ARHGAP24: variants seen among roughly 807,000 people sequenced by gnomAD.
The protein encoded by ARHGAP24 is rho GTPase-activating protein 24.
Under a neutral mutation model 76.4 loss-of-function variants are expected in ARHGAP24, and 50 were observed. The observed-to-expected ratio is 0.65, with a 90% CI of 0.52 to 0.83. ARHGAP24 has a LOEUF of 0.83. Ranked by LOEUF, ARHGAP24 falls within the 40% of genes least tolerant of loss-of-function variation. The pLI is 0.00. For synonymous variants in ARHGAP24, 345 were observed against 323.3 expected (o/e 1.07, Z -0.72); for missense variants, 930 against 914.2 (o/e 1.02, Z -0.22).
At chr4:85,481,629 G>T (rs1266436949) in intron 1 of ARHGAP24, among the ~76,000 whole-genome samples, 1 of 152,136 alleles carries the variant, frequency 6.6e-6, no homozygotes, top group East Asian at 1.9e-4. Context: ...GGTGAGAAGT[G>T]AACAGGAAAG....
At chr4:85,923,859 G>A in intron 4 of ARHGAP24, 89 bp downstream of exon 4, 1 of 1,567,018 alleles carries the variant, frequency 6.4e-7, no homozygotes, top group Non-Finnish European at 8.8e-7. Flanking sequence ...ATTAGCTCCT[G>A]TATTCAAGTG....
intron 3 of ARHGAP24, among the ~76,000 whole-genome samples, chr4:85,826,628 T>G (rs986412091): frequency 6.6e-6 from 1 of 152,206 alleles, no homozygotes; most frequent in African/African-American, 2.4e-5. Flanking sequence ...AGGGAGGAAA[T>G]GCAGCAAGTG....
chr4:85,908,764 G>A (rs1182288872), intron 3 of ARHGAP24, among the ~76,000 whole-genome samples: 2 of 152,060 alleles, frequency 1.3e-5, no homozygotes, highest in Non-Finnish European at 2.9e-5. Flanking sequence ...TACAGAGCCA[G>A]GCATAGATAA....
intron 1 of ARHGAP24, among the ~76,000 whole-genome samples, chr4:85,558,289 C>T (rs901189729): frequency 6.6e-6 from 1 of 152,064 alleles, no homozygotes; most frequent in Admixed American, 6.6e-5. Flanking sequence ...AACATATGTG[C>T]CACCAAACTT....
chr4:85,947,635 G>A (rs542572773), intron 5 of ARHGAP24, among the ~76,000 whole-genome samples: 4 of 152,262 alleles, frequency 2.6e-5, no homozygotes, highest in South Asian at 2.1e-4. Flanking sequence ...GCAAACGGTC[G>A]TAGTCTTTTT....
At chr4:85,938,573 T>C (rs1382571640) in intron 4 of ARHGAP24, among the ~76,000 whole-genome samples, 3 of 152,130 alleles carry the variant, frequency 2.0e-5, no homozygotes, top group Non-Finnish European at 2.9e-5. Context: ...AAGCCAGAAG[T>C]GTTTGGCACA....
chr4:85,979,264 G>T lies in ARHGAP24; in HGVS notation c.928+1573G>T, dbSNP rs112704894. On this transcript the variant is annotated intron_variant, in intron 8 of 9. Coordinates refer to ENST00000395184, the MANE Select transcript of ARHGAP24 (RefSeq NM_001025616.3). ...ATGAAATTCCTAAAGCTATTAATTC[G>T]CTGGAAGCTGAAATGCTGATATTGT... Among the ~76,000 whole-genome samples the T allele has an allele frequency of 3.8e-3, 577 of 152,112 alleles. 8 individuals are homozygous for T. Among genetic ancestry groups the T allele is most frequent in the African/African-American group, 0.013 (548 of 41,494 alleles).
In ARHGAP24 at chr4:85,705,157, A is replaced by T. The variant is rs182973128; in HGVS notation, c.181-16728A>T. Reference sequence around the variant, plus strand: ...ATTATGATCTACCATTGTCTATAAGATGTATCCCAAATTAAAAAATATAAA... The same window carrying T: ...ATTATGATCTACCATTGTCTATAAGTTGTATCCCAAATTAAAAAATATAAA... On this transcript the variant is annotated intron_variant, in intron 2 of 9. Coordinates refer to ENST00000395184, the MANE Select transcript of ARHGAP24 (RefSeq NM_001025616.3). Among the ~76,000 whole-genome samples the T allele has an allele frequency of 5.3e-5, 8 of 152,192 alleles. No homozygotes were observed. The East Asian group carries it at 1.2e-3, about 22-fold the overall frequency.
intron 1 of ARHGAP24, among the ~76,000 whole-genome samples, chr4:85,487,373 A>G (rs1331152103): frequency 8.7e-6 from 1 of 114,640 alleles, no homozygotes; most frequent in Non-Finnish European, 1.6e-5. Context: ...ATATAAATAT[A>G]TATTTATATA....
chr4:85,576,527 A>G (rs1253752792), intron 2 of ARHGAP24, among the ~76,000 whole-genome samples: 1 of 152,180 alleles, frequency 6.6e-6, no homozygotes, highest in African/African-American at 2.4e-5. Context: ...TCCCGTTAAC[A>G]TTTATGAAGC....
chr4:85,999,023 T>C (rs1740847644), intron 9 of ARHGAP24, among the ~76,000 whole-genome samples: 2 of 152,212 alleles, frequency 1.3e-5, no homozygotes, highest in South Asian at 4.1e-4. Flanking sequence ...TAAAAATATA[T>C]TTCTTAAAAC....
intron 2 of ARHGAP24, among the ~76,000 whole-genome samples, chr4:85,685,233 C>T (rs1723372298): frequency 6.6e-6 from 1 of 152,108 alleles, no homozygotes; most frequent in East Asian, 1.9e-4. Context: ...ATTTTTCAAC[C>T]TTATAACTCC....
At chr4:85,620,154 G>A (rs1042169691) in intron 2 of ARHGAP24, among the ~76,000 whole-genome samples, 4 of 151,894 alleles carry the variant, frequency 2.6e-5, no homozygotes, top group African/African-American at 7.2e-5. Flanking sequence ...TTGGTATCAG[G>A]ATAATCCTGG....
intron 3 of ARHGAP24, among the ~76,000 whole-genome samples, chr4:85,899,649 G>A (rs371374830): frequency 1.8e-4 from 28 of 152,270 alleles, no homozygotes; most frequent in African/African-American, 5.3e-4. Flanking sequence ...ATATTAAACC[G>A]AAACCAAACA....
At chr4:85,876,836 A>G (rs560434290) in intron 3 of ARHGAP24, among the ~76,000 whole-genome samples, 1 of 152,140 alleles carries the variant, frequency 6.6e-6, no homozygotes, top group Non-Finnish European at 1.5e-5. Flanking sequence ...TTACCACTTC[A>G]TAATAAGCAT....
Position 85,759,738 on chromosome 4 carries a change from G to A in ARHGAP24, c.268+37766G>A, listed in dbSNP as rs567983540. 1.3e-4 allele frequency among the ~76,000 whole-genome samples: 20 copies of A among 152,256 alleles called. No homozygotes were observed. The South Asian group carries it at 3.9e-3, about 30-fold the overall frequency. On this transcript the variant is annotated intron_variant, in intron 3 of 9. Coordinates refer to ENST00000395184, the MANE Select transcript of ARHGAP24 (RefSeq NM_001025616.3). ...ACAGTGGCAGTGGGAATGGAAAGAA[G>A]GGTGGTACATGAAACAGACATTAAA... is the stretch of plus-strand genomic sequence containing the variant.
chr4:85,575,531 C>CTA (rs1317352019), intron 2 of ARHGAP24, among the ~76,000 whole-genome samples: 2 of 152,140 alleles, frequency 1.3e-5, no homozygotes, highest in East Asian at 3.8e-4. Flanking sequence ...CTTTGGATAC[C>CTA]TATTAGAAAG....
intron 2 of ARHGAP24, among the ~76,000 whole-genome samples, chr4:85,677,452 A>G (rs567038310): frequency 1.3e-5 from 2 of 152,322 alleles, no homozygotes; most frequent in East Asian, 3.9e-4. Flanking sequence ...CATTCAGAAT[A>G]TATTTCCAGA....
intron 3 of ARHGAP24, among the ~76,000 whole-genome samples, chr4:85,743,493 A>C (rs908375699): frequency 4.0e-5 from 6 of 150,392 alleles, no homozygotes; most frequent in African/African-American, 9.8e-5. Context: ...ACTTGAGCCC[A>C]GAAGGCTGAG....
Sources: gnomAD v4.1 joint callset for allele counts (sites outside exome capture counted in the v4.1 genomes callset) on GRCh38, gnomAD v4.1.1 for gene constraint, MANE v1.5 for transcripts, NCBI Gene and HGNC (gene_info 2026-07-23, HGNC 2026-07-21) for gene names.